EFHD1: variants seen among roughly 807,000 people sequenced by gnomAD.
EFHD1 encodes EF-hand domain family member D1, also known as EF-hand domain-containing protein D1.
EFHD1 carries 10 observed loss-of-function variants against 17.2 expected under a neutral mutation model. The ratio of observed to expected loss-of-function variants is 0.58; its 90% CI spans 0.36 to 0.99. The LOEUF is 0.99. Among genes scored for constraint, EFHD1 ranks in the 50% least tolerant of loss-of-function variants. The pLI is 0.01. For missense variants in EFHD1, 310 were observed against 327.5 expected, an observed-to-expected ratio of 0.95 and a Z score of 0.41; for synonymous variants, 153 against 142.0, an observed-to-expected ratio of 1.08 and a Z score of -0.55.
chr2:232,653,496 G>A (rs1429848405), intron 1 of EFHD1, among the ~76,000 whole-genome samples: 1 of 152,068 alleles, frequency 6.6e-6, no homozygotes, highest in Non-Finnish European at 1.5e-5. Flanking sequence ...TCACCACGTT[G>A]GCCAGGTGGT....
At chr2:232,607,762 A>AT (rs1693746754) in intron 1 of EFHD1, among the ~76,000 whole-genome samples, 1 of 149,150 alleles carries the variant, frequency 6.7e-6, no homozygotes, top group South Asian at 2.1e-4. Context: ...TCAAAAAAAA[A>AT]GGAAAGAAAA....
intron 1 of EFHD1, among the ~76,000 whole-genome samples, chr2:232,645,847 G>A (rs770751510): frequency 2.6e-5 from 4 of 152,168 alleles, no homozygotes; most frequent in Non-Finnish European, 4.4e-5. Flanking sequence ...CCTTGTAAGC[G>A]GTAGAGCTGG....
At chr2:232,679,769 AT>A (rs1695242983) in intron 3 of EFHD1, among the ~76,000 whole-genome samples, 2 of 151,982 alleles carry the variant, frequency 1.3e-5, no homozygotes, top group African/African-American at 4.8e-5. Flanking sequence ...TAATAACTGA[AT>A]AGAAACGTGG....
At chr2:232,658,001 A>G (rs1694794233) in intron 1 of EFHD1, among the ~76,000 whole-genome samples, 1 of 148,162 alleles carries the variant, frequency 6.7e-6, no homozygotes, top group African/African-American at 2.5e-5. Flanking sequence ...CCCAGGTTCA[A>G]CAGATTCTTC....
chr2:232,625,961 C>T (rs150369622), intron 1 of EFHD1, among the ~76,000 whole-genome samples: 345 of 152,132 alleles, frequency 2.3e-3, no homozygotes, highest in African/African-American at 7.8e-3. Context: ...GAGGCTGCGG[C>T]GGGAGGATTG....
intron 1 of EFHD1, among the ~76,000 whole-genome samples, chr2:232,626,651 T>G (rs757044110): frequency 1.9e-4 from 29 of 152,200 alleles, no homozygotes; most frequent in Non-Finnish European, 4.0e-4. Flanking sequence ...GCCCTTCTGC[T>G]GCAGATGAAA....
At chr2:232,607,626 T>C (rs1693743869) in intron 1 of EFHD1, among the ~76,000 whole-genome samples, 1 of 150,256 alleles carries the variant, frequency 6.7e-6, no homozygotes, top group Admixed American at 6.6e-5. Context: ...TGTAGTGCCA[T>C]GCGCTTATAG....
intron 1 of EFHD1, among the ~76,000 whole-genome samples, chr2:232,622,236 G>C (rs1694029598): frequency 6.6e-6 from 1 of 152,224 alleles, no homozygotes; most frequent in African/African-American, 2.4e-5. Flanking sequence ...GGGAGGCCGA[G>C]GCAGGCGGAT....
chr2:232,665,897 C>T (rs887708595), intron 2 of EFHD1, among the ~76,000 whole-genome samples: 1 of 152,172 alleles, frequency 6.6e-6, no homozygotes, highest in Non-Finnish European at 1.5e-5. Context: ...TCACAGTTCA[C>T]TGCAGCCTCT....
chr2:232,670,529 TGGA>T (rs1007656153), intron 2 of EFHD1, among the ~76,000 whole-genome samples: 19 of 152,172 alleles, frequency 1.2e-4, no homozygotes, highest in South Asian at 4.1e-4. Flanking sequence ...ATTTTGAATC[TGGA>T]GGAGGAGGGT....
rs1559342437 is a variant in EFHD1 at position 232,633,683 on chromosome 2, C to T, written c.-22C>T. On this transcript the variant is annotated 5_prime_UTR_variant, in exon 1 of 4. Coordinates refer to ENST00000264059, the MANE Select transcript of EFHD1 (RefSeq NM_025202.4). ...CGTCCCGTCCCGCGTCCCCGCGTTC[C>T]CGCGTCCTGCGATCCGCCGCCATGG... 3 of 1,412,484 alleles carry T rather than the reference C, an allele frequency of 2.1e-6. No individual in the cohort carries two copies. The highest frequency in any genetic ancestry group is 1.8e-6 in the Non-Finnish European group (2 of 1,094,550). 87.5% of individuals were successfully genotyped at this position (1,412,484 alleles called of 1,614,324 possible).
chr2:232,614,414 A>T (rs1693880339), intron 1 of EFHD1, among the ~76,000 whole-genome samples: 1 of 152,174 alleles, frequency 6.6e-6, no homozygotes, highest in Non-Finnish European at 1.5e-5. Flanking sequence ...AGGTGGAGAC[A>T]ACCAGGATGA....
intron 1 of EFHD1, 39 bp downstream of exon 1, chr2:232,634,045 G>C: frequency 6.3e-7 from 1 of 1,592,142 alleles, no homozygotes; most frequent in Non-Finnish European, 8.5e-7. Flanking sequence ...CCGGGACCAG[G>C]GAGGGAGCGG....
chr2:232,638,443 C>T (rs1328471044), intron 1 of EFHD1: 1 of 471,128 alleles, frequency 2.1e-6, no homozygotes, highest in Non-Finnish European at 4.4e-6. Context: ...CCTGCCAGTG[C>T]CAGAGTCCCG....
intron 1 of EFHD1, among the ~76,000 whole-genome samples, chr2:232,655,789 C>G (rs1574723008): frequency 6.6e-6 from 1 of 151,312 alleles, no homozygotes; most frequent in East Asian, 1.9e-4. Flanking sequence ...CCTGTCCTGT[C>G]CTTGTGTGGG....
chr2:232,680,512 A>G (rs1695259052), intron 3 of EFHD1, among the ~76,000 whole-genome samples: 1 of 152,218 alleles, frequency 6.6e-6, no homozygotes, highest in Non-Finnish European at 1.5e-5. Flanking sequence ...TAAAGGCATA[A>G]TTGAATGAAA....
At chr2:232,651,038 G>A (rs1190650728) in intron 1 of EFHD1, among the ~76,000 whole-genome samples, 3 of 152,168 alleles carry the variant, frequency 2.0e-5, no homozygotes, top group Non-Finnish European at 2.9e-5. Context: ...AAGGAAAGAC[G>A]GTGATCATTT....
intron 1 of EFHD1, among the ~76,000 whole-genome samples, chr2:232,642,472 T>C (rs1694450966): frequency 6.6e-6 from 1 of 151,586 alleles, no homozygotes; most frequent in African/African-American, 2.4e-5. Flanking sequence ...GCTCTTGACT[T>C]CCGGTCTTGG....
intron 1 of EFHD1, among the ~76,000 whole-genome samples, chr2:232,649,286 C>T (rs1373224876): frequency 2.0e-5 from 3 of 152,210 alleles, no homozygotes; most frequent in Non-Finnish European, 2.9e-5. Flanking sequence ...GCAGTGGGCA[C>T]GCACAGCAGC....
Sources: gnomAD v4.1 joint callset for allele counts (sites outside exome capture counted in the v4.1 genomes callset) on GRCh38, gnomAD v4.1.1 for gene constraint, MANE v1.5 for transcripts, NCBI Gene and HGNC (gene_info 2026-07-23, HGNC 2026-07-21) for gene names.